The following SCNM1 variants were observed in gnomAD, a reference collection of about 807,000 sequenced individuals.
SCNM1 encodes the protein sodium channel modifier 1.
A neutral mutation model predicts 32.8 loss-of-function variants in SCNM1; 24 were observed. The ratio of observed to expected loss-of-function variants is 0.73; its 90% CI spans 0.53 to 1.03. SCNM1 has a LOEUF of 1.03. SCNM1 is among the 50% of genes least tolerant of loss of function. The pLI is 0.00. For missense variants in SCNM1, 274 were observed against 282.3 expected (o/e 0.97, Z 0.21); for synonymous variants, 99 against 103.2 (o/e 0.96, Z 0.25).
rs748210410 is a variant in SCNM1, at chr1:151,167,314, T to C, written c.310-12T>C. On this transcript the variant is annotated splice_polypyrimidine_tract_variant and intron_variant, in intron 4 of 6. Coordinates refer to ENST00000368905, the MANE Select transcript of SCNM1 (RefSeq NM_024041.4). Reference sequence around the variant, plus strand: ...CTGAAGGCTCTGACTCTGTCTCCCATCTCCTTACCAGGCTCCTCTGCTAAC... The same window carrying C: ...CTGAAGGCTCTGACTCTGTCTCCCACCTCCTTACCAGGCTCCTCTGCTAAC... The C allele has an allele frequency of 1.2e-6, 2 of 1,613,918 alleles. No individual in the cohort carries two copies. The highest frequency in any genetic ancestry group is 3.3e-5 in the Admixed American group (2 of 59,986).
At chr1:151,167,456 G>A (rs1371761651) in intron 5 of SCNM1, 42 bp downstream of exon 5, 4 of 1,609,876 alleles carry the variant, frequency 2.5e-6, no homozygotes, top group Non-Finnish European at 3.4e-6. Flanking sequence ...CTCAGAAGGA[G>A]ACAGATGGCT....
chr1:151,167,472 A>G, intron 5 of SCNM1, 58 bp downstream of exon 5: 2 of 1,589,094 alleles, frequency 1.3e-6, no homozygotes, highest in Non-Finnish European at 1.7e-6. Flanking sequence ...TGGCTCTAAA[A>G]GAGTTTTCCA....
intron 6 of SCNM1, among the ~76,000 whole-genome samples, 194 bp from the exon 7 acceptor site, chr1:151,168,790 CTT>C (rs147127258): frequency 3.2e-3 from 131 of 40,368 alleles, no homozygotes; most frequent in Middle Eastern, 0.017. Flanking sequence ...TCACTGCTAA[CTT>C]TTTTTTTTTT....
chr1:151,167,155 A>G lies in SCNM1; in HGVS notation c.246A>G (p.Gly82=), dbSNP rs1246141333. The change falls in exon 4 of 7, where the codon GGA becomes GGG. Residue 82 remains glycine (G), a synonymous_variant. Coordinates refer to ENST00000368905, the MANE Select transcript of SCNM1 (RefSeq NM_024041.4). ...LQLFYGKKQP[G]KERKQNPKHQ... ...TTTTCTATGGCAAGAAGCAGCCGGG[A>G]AAGGAAAGAAAGCAGAATCCAAAAC... The G allele has an allele frequency of 6.2e-7, 1 of 1,614,022 alleles. No individual in the cohort carries two copies. Among genetic ancestry groups the G allele is most frequent in the African/African-American group, 1.3e-5 (1 of 74,902 alleles).
rs1683858000 is a variant in SCNM1 at position 151,169,154 on chromosome 1, G to T, written c.*69G>T. On this transcript the variant is annotated 3_prime_UTR_variant, in exon 7 of 7. Coordinates refer to ENST00000368905, the MANE Select transcript of SCNM1 (RefSeq NM_024041.4). ...GAGAACTTAACTTTCCTTAAGTCTG[G>T]TTCCTTGTTGGATCTCAGGATTTCA... 1 of 1,568,694 alleles carries T rather than the reference G, an allele frequency of 6.4e-7. No individual in the cohort carries two copies. The highest frequency in any genetic ancestry group is 1.4e-5 in the African/African-American group (1 of 73,866).
rs1683709465 is a variant in SCNM1, at chr1:151,166,536, T to C, written c.117T>C (p.Asp39=). 6.2e-7 allele frequency: 1 copy of C among 1,613,676 alleles called. No individual in the cohort carries two copies. ...IPEDEALMLR[D]GRFACAICPH... is the part of the protein sequence containing the mutation. ...AGGATGAGGCGCTGATGCTTCGGGA[T>C]GGACGGTAAGAGCAAGGAGTGGCTC... The change falls in exon 2 of 7, where the codon GAT becomes GAC. Residue 39 remains aspartate, a synonymous_variant. Coordinates refer to ENST00000368905, the MANE Select transcript of SCNM1 (RefSeq NM_024041.4).
rs1369262641 is a variant in SCNM1, at chr1:151,169,219, G to C, written c.*134G>C. The C allele has an allele frequency of 2.5e-6, 2 of 814,076 alleles. No individual in the cohort carries two copies. Among genetic ancestry groups the C allele is most frequent in the Non-Finnish European group, 3.8e-6 (2 of 532,780 alleles). 50.4% of individuals were successfully genotyped at this position (814,076 alleles called of 1,614,324 possible). On this transcript the variant is annotated 3_prime_UTR_variant, in exon 7 of 7. Coordinates refer to ENST00000368905, the MANE Select transcript of SCNM1 (RefSeq NM_024041.4). ...CATTCCAACTACTCCTTGCCTGCAA[G>C]GTACACAGCTCTCCACACTCCTTTT...
In SCNM1 at chr1:151,169,131, G is replaced by T; in HGVS notation, c.*46G>T. 1 of 1,607,616 alleles carries T rather than the reference G, an allele frequency of 6.2e-7. No homozygotes were observed. Among genetic ancestry groups the T allele is most frequent in the East Asian group, 2.2e-5 (1 of 44,676 alleles). On this transcript the variant is annotated 3_prime_UTR_variant, in exon 7 of 7. Coordinates refer to ENST00000368905, the MANE Select transcript of SCNM1 (RefSeq NM_024041.4). ...ACAAATAAATTACAATGGGTGCTGA[G>T]AACTTAACTTTCCTTAAGTCTGGTT...
rs587660034 is a variant in SCNM1 at position 151,169,158 on chromosome 1, C to T, written c.*73C>T. On this transcript the variant is annotated 3_prime_UTR_variant, in exon 7 of 7. Coordinates refer to ENST00000368905, the MANE Select transcript of SCNM1 (RefSeq NM_024041.4). ...ACTTAACTTTCCTTAAGTCTGGTTC[C>T]TTGTTGGATCTCAGGATTTCAGATC... 10 of 1,556,990 alleles carry T rather than the reference C, an allele frequency of 6.4e-6. No homozygotes were observed. The highest frequency in any genetic ancestry group is 1.4e-5 in the African/African-American group (1 of 73,634).
chr1:151,169,188 C>A lies in SCNM1; in HGVS notation c.*103C>A. ...TGGATCTCAGGATTTCAGATCTGTTCATTCTCATTCCAACTACTCCTTGCC... is the reference window on the plus strand; with the variant it reads ...TGGATCTCAGGATTTCAGATCTGTTAATTCTCATTCCAACTACTCCTTGCC... On this transcript the variant is annotated 3_prime_UTR_variant, in exon 7 of 7. Coordinates refer to ENST00000368905, the MANE Select transcript of SCNM1 (RefSeq NM_024041.4). 18 of 1,223,864 alleles carry A rather than the reference C, an allele frequency of 1.5e-5. No homozygotes were observed. The highest frequency in any genetic ancestry group is 3.0e-5 in the African/African-American group (2 of 66,028). 75.8% of individuals were successfully genotyped at this position (1,223,864 alleles called of 1,614,324 possible). A position where few individuals can be genotyped will look rare whatever the true frequency, so the allele number is the denominator to read the frequency against.
chr1:151,166,867 C>G, intron 2 of SCNM1, 67 bp from the exon 3 acceptor site: 1 of 1,606,388 alleles, frequency 6.2e-7, no homozygotes, highest in Non-Finnish European at 8.5e-7. Flanking sequence ...CAGGGTGGGA[C>G]CTATGGCAGG....
chr1:151,168,697 C>T lies in SCNM1; in HGVS notation c.594-289C>T, dbSNP rs901689318. Among the ~76,000 whole-genome samples the T allele has an allele frequency of 4.6e-5, 7 of 151,896 alleles. No individual in the cohort carries two copies. In the South Asian group the frequency reaches 1.3e-3, roughly 27 times the overall value. On this transcript the variant is annotated intron_variant, in intron 6 of 6. Transcript: ENST00000368905. Reference sequence around the variant, plus strand: ...TGTTGGGATTACAGGTGTGAGCCACCGCACCCGGACTCCCATTGTTGTTTT... The same window carrying T: ...TGTTGGGATTACAGGTGTGAGCCACTGCACCCGGACTCCCATTGTTGTTTT...
Position 151,166,473 on chromosome 1 carries a change from A to G in SCNM1, c.54A>G (p.Lys18=). The change falls in exon 2 of 7, where the codon AAA becomes AAG. Residue 18 remains lysine, a splice_region_variant and synonymous_variant. Transcript: ENST00000368905. ...DDWSQLNVLK[K]RRVGDLLASY... The stretch of plus-strand genomic sequence containing the variant: ...ATTTCTTCCCCTACTCCCTGCAGAA[A>G]AGAAGAGTCGGGGACCTCCTAGCCA... 6.2e-7 allele frequency: 1 copy of G among 1,613,936 alleles called. No homozygotes were observed. Among genetic ancestry groups the G allele is most frequent in the Non-Finnish European group, 8.5e-7 (1 of 1,179,990 alleles).
At position 151,168,162 on chromosome 1, in the gene SCNM1, C is replaced by G; in HGVS notation, c.417C>G (p.Pro139=). The G allele has an allele frequency of 6.2e-7, 1 of 1,613,516 alleles. No homozygotes were observed. The highest frequency in any genetic ancestry group is 1.1e-5 in the South Asian group (1 of 91,030). Residue 139 remains proline, a synonymous_variant, in exon 6 of 7, where the codon CCC becomes CCG. Transcript: ENST00000368905. ...RRKYRPEAPG[P]SVSLSPMPPS... Reference sequence around the variant, plus strand: ...TACCTAGACCAGAAGCCCCTGGTCCCTCTGTCTCCCTTTCCCCTATGCCAC... The same window carrying G: ...TACCTAGACCAGAAGCCCCTGGTCCGTCTGTCTCCCTTTCCCCTATGCCAC...
intron 1 of SCNM1, 93 bp downstream of exon 1, chr1:151,166,296 G>T (rs892856303): frequency 2.6e-6 from 4 of 1,544,508 alleles, no homozygotes; most frequent in Non-Finnish European, 1.7e-6. Context: ...ACAACTCGGG[G>T]GTGCAGGAGA....
chr1:151,169,155 T>C lies in SCNM1; in HGVS notation c.*70T>C, dbSNP rs1683858074. 2 of 1,572,186 alleles carry C rather than the reference T, an allele frequency of 1.3e-6. No homozygotes were observed. The highest frequency in any genetic ancestry group is 2.7e-5 in the African/African-American group (2 of 74,084). Reference sequence around the variant, plus strand: ...AGAACTTAACTTTCCTTAAGTCTGGTTCCTTGTTGGATCTCAGGATTTCAG... The same window carrying C: ...AGAACTTAACTTTCCTTAAGTCTGGCTCCTTGTTGGATCTCAGGATTTCAG... On this transcript the variant is annotated 3_prime_UTR_variant, in exon 7 of 7. Coordinates refer to ENST00000368905, the MANE Select transcript of SCNM1 (RefSeq NM_024041.4).
intron 5 of SCNM1, 26 bp downstream of exon 5, chr1:151,167,440 G>A (rs1442976931): frequency 6.2e-7 from 1 of 1,613,892 alleles, no homozygotes; most frequent in Non-Finnish European, 8.5e-7. Context: ...GCCAGAGGTA[G>A]GAAGGCTCAG....
At chr1:151,167,627 T>C in intron 5 of SCNM1, 1 of 547,840 alleles carries the variant, frequency 1.8e-6, no homozygotes. Flanking sequence ...AGGTCAGGAG[T>C]TCAAGACCAG....
rs587659374 is a variant in SCNM1 at position 151,168,091 on chromosome 1, G to A, written c.399-53G>A. 33 of 1,519,642 alleles carry A rather than the reference G, an allele frequency of 2.2e-5. No individual in the cohort carries two copies. In the South Asian group the frequency reaches 4.2e-4, roughly 19 times the overall value. 94.1% of individuals were successfully genotyped at this position (1,519,642 alleles called of 1,614,324 possible). ...CTGTTTTAAGAGGTTGGGAGTCATA[G>A]GAGAGTTGGCCCTTTCCCTTACTGC... is the stretch of plus-strand genomic sequence containing the variant. On this transcript the variant is annotated intron_variant, in intron 5 of 6. Coordinates refer to ENST00000368905, the MANE Select transcript of SCNM1 (RefSeq NM_024041.4).
Sources: gnomAD v4.1 joint callset for allele counts (sites outside exome capture counted in the v4.1 genomes callset) on GRCh38, gnomAD v4.1.1 for gene constraint, MANE v1.5 for transcripts, NCBI Gene and HGNC (gene_info 2026-07-23, HGNC 2026-07-21) for gene names.